Variants in CABIN1 observed in about 807,000 individuals in gnomAD.
The protein encoded by CABIN1 is calcineurin-binding protein cabin-1.
CABIN1 carries 133 observed loss-of-function variants against 227.7 expected under a neutral mutation model. The ratio of observed to expected loss-of-function variants is 0.58; its 90% CI spans 0.51 to 0.67. The LOEUF is 0.67. Among genes scored for constraint, CABIN1 ranks in the 30% least tolerant of loss-of-function variants. CABIN1 has a pLI of 0.00. For synonymous variants in CABIN1, 1,086 were observed against 1,155.1 expected (o/e 0.94, Z 1.21); for missense variants, 2,408 against 2,852.5 (o/e 0.84, Z 3.55).
intron 29 of CABIN1, among the ~76,000 whole-genome samples, chr22:24,135,499 C>T (rs951469804): frequency 3.3e-5 from 5 of 152,192 alleles, no homozygotes; most frequent in Admixed American, 2.6e-4. Context: ...ATCACCTAGG[C>T]CTGCCTGCCT....
intron 1 of CABIN1, among the ~76,000 whole-genome samples, chr22:24,022,750 A>G (rs1186792570): frequency 6.7e-6 from 1 of 150,128 alleles, no homozygotes. Flanking sequence ...ATCAGTTTTT[A>G]AAAAAATACA....
intron 29 of CABIN1, among the ~76,000 whole-genome samples, chr22:24,136,909 TTATA>T (rs1372070676): frequency 2.0e-5 from 3 of 152,174 alleles, no homozygotes; most frequent in African/African-American, 4.8e-5. Flanking sequence ...TAAGAACTCT[TTATA>T]TATCAATGAA....
chr22:24,110,350 TC>T (rs1240608215), intron 26 of CABIN1, among the ~76,000 whole-genome samples: 1 of 152,252 alleles, frequency 6.6e-6, no homozygotes, highest in Non-Finnish European at 1.5e-5. Context: ...TCTTTTGCAC[TC>T]GTTTTCATTC....
intron 29 of CABIN1, chr22:24,155,888 A>C: frequency 6.9e-6 from 3 of 433,592 alleles, no homozygotes; most frequent in Non-Finnish European, 8.2e-6. Context: ...AGTCCAGGGA[A>C]CCGGAGAGGA....
intron 1 of CABIN1, among the ~76,000 whole-genome samples, chr22:24,027,106 G>T (rs895328546): frequency 2.6e-5 from 4 of 151,994 alleles, no homozygotes. Flanking sequence ...TACATATTTT[G>T]TTATATTTAT....
At chr22:24,027,255 T>C (rs1351397393) in intron 1 of CABIN1, among the ~76,000 whole-genome samples, 1 of 152,248 alleles carries the variant, frequency 6.6e-6, no homozygotes, top group Non-Finnish European at 1.5e-5. Flanking sequence ...ACTTAGAAGT[T>C]CTAGGGCTTT....
At chr22:24,026,824 G>A (rs1003748088) in intron 1 of CABIN1, among the ~76,000 whole-genome samples, 8 of 152,106 alleles carry the variant, frequency 5.3e-5, no homozygotes, top group Non-Finnish European at 8.8e-5. Flanking sequence ...AGTGTGATCC[G>A]TCCAATATTA....
chr22:24,060,436 G>A (rs1870277760), intron 12 of CABIN1, among the ~76,000 whole-genome samples: 1 of 152,082 alleles, frequency 6.6e-6, no homozygotes, highest in Admixed American at 6.5e-5. Context: ...ATAGTGGGGT[G>A]CTGGTTTGTG....
intron 4 of CABIN1, 133 bp from the exon 5 acceptor site, chr22:24,041,005 AT>A: frequency 9.4e-7 from 1 of 1,063,760 alleles, no homozygotes. Context: ...CAGTGCCTTC[AT>A]TTTCCAGTGG....
At chr22:24,020,312 A>C (rs1285572989) in intron 1 of CABIN1, among the ~76,000 whole-genome samples, 2 of 151,768 alleles carry the variant, frequency 1.3e-5, no homozygotes, top group Non-Finnish European at 2.9e-5. Flanking sequence ...TTTTTTTGTT[A>C]GTATCTATTT....
chr22:24,067,966 G>A (rs2039810353), intron 16 of CABIN1, among the ~76,000 whole-genome samples: 1 of 152,052 alleles, frequency 6.6e-6, no homozygotes, highest in Admixed American at 6.6e-5. Flanking sequence ...TTGAGTCCTG[G>A]TCCCTTATGC....
intron 1 of CABIN1, among the ~76,000 whole-genome samples, chr22:24,032,809 T>C (rs2036588868): frequency 6.6e-6 from 1 of 152,152 alleles, no homozygotes; most frequent in African/African-American, 2.4e-5. Flanking sequence ...CTCACTGTAA[T>C]TCCATGCCTG....
chr22:24,164,486 G>A lies in CABIN1; in HGVS notation c.4833G>A (p.Lys1611=), dbSNP rs1169038455. 6.2e-7 allele frequency: 1 copy of A among 1,606,436 alleles called. No individual in the cohort carries two copies. The highest frequency in any genetic ancestry group is 1.1e-5 in the South Asian group (1 of 91,084). The change falls in exon 30 of 37, where the codon AAG becomes AAA. Residue 1611 remains lysine (K), a synonymous_variant. Transcript: ENST00000263119. The part of the protein sequence containing the change: ...HMNRSIVLLL[K]VLAQLRDHST... Reference sequence around the variant, plus strand: ...ACCGCTCCATCGTGCTGCTGCTCAAGGTGCTGGCCCAGCTGCGGGACCACA... The same window carrying A: ...ACCGCTCCATCGTGCTGCTGCTCAAAGTGCTGGCCCAGCTGCGGGACCACA...
At chr22:24,171,016 G>A (rs985718373) in intron 33 of CABIN1, among the ~76,000 whole-genome samples, 1 of 152,222 alleles carries the variant, frequency 6.6e-6, no homozygotes, top group African/African-American at 2.4e-5. Context: ...GGCTGGCTGG[G>A]GGTGGGAGCA....
chr22:24,096,751 C>A (rs1396982379), intron 25 of CABIN1, among the ~76,000 whole-genome samples: 1 of 152,246 alleles, frequency 6.6e-6, no homozygotes, highest in African/African-American at 2.4e-5. Context: ...TGGACTCATG[C>A]TGATTCTTGT....
chr22:24,072,757 A>G (rs889442565), intron 18 of CABIN1, among the ~76,000 whole-genome samples: 16 of 152,224 alleles, frequency 1.1e-4, no homozygotes, highest in African/African-American at 3.9e-4. Context: ...AGATGGCAGC[A>G]TGGAGGGAGT....
Position 24,083,341 on chromosome 22 carries a change from C to T in CABIN1, c.2862C>T (p.Pro954=). ...GCTTCTACTGCCTGTACAGCTTCCC[C>T]AGCAAGAAGAGTAAGGCCAGGTACC... is the stretch of plus-strand genomic sequence containing the variant. ...EQCFYCLYSF[P]SKKSKARYLE... The change falls in exon 20 of 37, where the codon CCC becomes CCT. Residue 954 remains proline (P), a synonymous_variant. Transcript: ENST00000263119. The T allele has an allele frequency of 1.2e-6, 2 of 1,613,984 alleles. No individual in the cohort carries two copies. The highest frequency in any genetic ancestry group is 8.5e-7 in the Non-Finnish European group (1 of 1,180,038).
At chr22:24,082,359 GA>G (rs1200675399) in intron 19 of CABIN1, among the ~76,000 whole-genome samples, 2 of 152,102 alleles carry the variant, frequency 1.3e-5, no homozygotes, top group Non-Finnish European at 2.9e-5. Context: ...CAAAGTGCTG[GA>G]ATTACAGGCA....
At chr22:24,016,598 C>T (rs578097237) in intron 1 of CABIN1, among the ~76,000 whole-genome samples, 4 of 152,136 alleles carry the variant, frequency 2.6e-5, no homozygotes, top group Non-Finnish European at 4.4e-5. Flanking sequence ...CAGTGCTGCA[C>T]GGTGAATAAT....
Sources: allele counts gnomAD v4.1 joint callset (sites outside exome capture counted in the v4.1 genomes callset), GRCh38; gene constraint gnomAD v4.1.1; transcripts MANE v1.5; gene names NCBI Gene and HGNC (gene_info 2026-07-23, HGNC 2026-07-21).